Variants in CDH12 observed in about 807,000 individuals in gnomAD.
The protein encoded by CDH12 is cadherin-12.
A neutral mutation model predicts 74.1 loss-of-function variants in CDH12; 41 were observed. The observed-to-expected ratio is 0.55, with a 90% CI of 0.43 to 0.72. CDH12 has a LOEUF of 0.72. CDH12 is among the 30% of genes least tolerant of loss of function. The pLI, the probability that CDH12 is intolerant of heterozygous loss-of-function variation, is 0.00. For missense variants in CDH12, 945 were observed against 977.2 expected (o/e 0.97, Z 0.44); for synonymous variants, 399 against 355.0 (o/e 1.12, Z -1.39).
chr5:22,217,482 C>T lies in CDH12; in HGVS notation c.-332-4839G>A, dbSNP rs1005857307. Among the ~76,000 whole-genome samples, 5 of 151,670 alleles carry T rather than the reference C, an allele frequency of 3.3e-5. No individual in the cohort carries two copies. The East Asian group carries it at 5.8e-4, about 18-fold the overall frequency. On this transcript the variant is annotated intron_variant, in intron 3 of 14. Coordinates refer to ENST00000382254, the MANE Select transcript of CDH12 (RefSeq NM_004061.5). The stretch of plus-strand genomic sequence containing the variant: ...TTTAAAATAACAAAAAAGCAGAGTG[C>T]ATAATTAAAAGAAAAGAAATGGCTT...
intron 4 of CDH12, among the ~76,000 whole-genome samples, chr5:22,197,704 A>C (rs1219951211): frequency 1.3e-5 from 2 of 152,064 alleles, no homozygotes; most frequent in Admixed American, 6.5e-5. Context: ...ACTTGTTCCT[A>C]AAATACATCT....
intron 3 of CDH12, among the ~76,000 whole-genome samples, chr5:22,214,240 GAGA>G (rs1446970253): frequency 6.6e-6 from 1 of 152,132 alleles, no homozygotes; most frequent in Non-Finnish European, 1.5e-5. Flanking sequence ...GAAGCCCCAG[GAGA>G]TGGGGCTGTA....
chr5:22,451,296 T>A (rs1745033472), intron 2 of CDH12, among the ~76,000 whole-genome samples: 1 of 151,960 alleles, frequency 6.6e-6, no homozygotes, highest in African/African-American at 2.4e-5. Flanking sequence ...TTCTATCTAA[T>A]TAAAACAAGC....
At chr5:22,014,332 T>C (rs957599751) in intron 5 of CDH12, among the ~76,000 whole-genome samples, 1 of 152,140 alleles carries the variant, frequency 6.6e-6, no homozygotes, top group Admixed American at 6.6e-5. Context: ...CTGTTTATGT[T>C]TGCACAATAA....
chr5:22,360,265 C>T (rs1470740164), intron 3 of CDH12, among the ~76,000 whole-genome samples: 4 of 152,158 alleles, frequency 2.6e-5, no homozygotes, highest in Admixed American at 6.5e-5. Flanking sequence ...ACCGATCCCA[C>T]AGAAATACAA....
chr5:22,579,702 G>A (rs1739982004), intron 1 of CDH12, among the ~76,000 whole-genome samples: 1 of 151,966 alleles, frequency 6.6e-6, no homozygotes, highest in African/African-American at 2.4e-5. Context: ...ACAATACAGT[G>A]TTAGAGCAGA....
chr5:22,837,275 T>A (rs1736869228), intron 1 of CDH12, among the ~76,000 whole-genome samples: 1 of 151,892 alleles, frequency 6.6e-6, no homozygotes, highest in Non-Finnish European at 1.5e-5. Context: ...TTTAAAAAAA[T>A]TAGCTGGGTG....
intron 6 of CDH12, among the ~76,000 whole-genome samples, chr5:21,907,322 T>C (rs1579944066): frequency 2.0e-5 from 3 of 152,144 alleles, no homozygotes; most frequent in South Asian, 4.2e-4. Flanking sequence ...AGCGACCCAG[T>C]TGGGAAAGGA....
intron 1 of CDH12, among the ~76,000 whole-genome samples, chr5:22,703,713 A>G (rs1167959220): frequency 6.6e-6 from 1 of 152,140 alleles, no homozygotes. Context: ...CTATACATTG[A>G]TGTGTCAAAA....
intron 3 of CDH12, among the ~76,000 whole-genome samples, chr5:22,275,880 C>A (rs1323093840): frequency 1.3e-5 from 2 of 152,048 alleles, no homozygotes; most frequent in African/African-American, 4.8e-5. Flanking sequence ...GTTCTTTGCC[C>A]AATTGGTGAT....
intron 4 of CDH12, among the ~76,000 whole-genome samples, chr5:22,195,765 A>C (rs1157346831): frequency 6.6e-6 from 1 of 152,216 alleles, no homozygotes; most frequent in Non-Finnish European, 1.5e-5. Context: ...AATCCTCTGC[A>C]AAAGAGAGCA....
In CDH12 at chr5:22,444,901, G is replaced by A. The variant is rs1744764542; in HGVS notation, c.-427-39550C>T. On this transcript the variant is annotated intron_variant, in intron 2 of 14. Coordinates refer to ENST00000382254, the MANE Select transcript of CDH12 (RefSeq NM_004061.5). Reference sequence around the variant, plus strand: ...ACGATATTATGCTTCTTGTTTTAGTGCTTATATAATATACCATGTTCTCCA... The same window carrying A: ...ACGATATTATGCTTCTTGTTTTAGTACTTATATAATATACCATGTTCTCCA... Among the ~76,000 whole-genome samples the A allele has an allele frequency of 1.3e-5, 2 of 151,618 alleles. 1 individual carries two copies. The highest frequency in any genetic ancestry group is 4.2e-4 in the South Asian group (2 of 4,808).
chr5:22,300,686 A>T (rs1466830025), intron 3 of CDH12, among the ~76,000 whole-genome samples: 1 of 152,238 alleles, frequency 6.6e-6, no homozygotes, highest in Non-Finnish European at 1.5e-5. Flanking sequence ...AAATGTATGA[A>T]TGCAGCCATT....
At chr5:22,239,624 C>T (rs920017016) in intron 3 of CDH12, among the ~76,000 whole-genome samples, 1 of 152,122 alleles carries the variant, frequency 6.6e-6, no homozygotes, top group Non-Finnish European at 1.5e-5. Context: ...GATAGAGAGA[C>T]ATTTTATGGC....
At chr5:22,387,294 A>T (rs1292546954) in intron 3 of CDH12, among the ~76,000 whole-genome samples, 2 of 152,138 alleles carry the variant, frequency 1.3e-5, no homozygotes, top group Non-Finnish European at 2.9e-5. Context: ...AAATTTAAAA[A>T]AATGTAATGT....
At chr5:22,093,895 A>G (rs1743583601) in intron 4 of CDH12, among the ~76,000 whole-genome samples, 1 of 152,186 alleles carries the variant, frequency 6.6e-6, no homozygotes, top group South Asian at 2.1e-4. Flanking sequence ...TAAATCAAAC[A>G]AGGTCCCAAT....
At chr5:22,103,123 G>T (rs1340212095) in intron 4 of CDH12, among the ~76,000 whole-genome samples, 2 of 152,102 alleles carry the variant, frequency 1.3e-5, no homozygotes, top group African/African-American at 4.8e-5. Flanking sequence ...GCAGATAGGT[G>T]ACAGAGAAAG....
intron 5 of CDH12, among the ~76,000 whole-genome samples, chr5:21,986,019 A>G (rs1468754281): frequency 6.6e-6 from 1 of 152,104 alleles, no homozygotes; most frequent in African/African-American, 2.4e-5. Flanking sequence ...AGCAAGAGGG[A>G]TACCACTTTA....
chr5:22,554,143 T>C (rs182439430), intron 1 of CDH12, among the ~76,000 whole-genome samples: 25 of 152,168 alleles, frequency 1.6e-4, no homozygotes, highest in African/African-American at 4.8e-4. Flanking sequence ...CAGGTGTTGC[T>C]GGGAATTAGG....
Sources: gnomAD v4.1 joint callset for allele counts (sites outside exome capture counted in the v4.1 genomes callset) on GRCh38, gnomAD v4.1.1 for gene constraint, MANE v1.5 for transcripts, NCBI Gene and HGNC (gene_info 2026-07-23, HGNC 2026-07-21) for gene names.